Variants in KATNAL1 observed in about 807,000 individuals in gnomAD.
The protein encoded by KATNAL1 is katanin catalytic subunit A1 like 1, also known as katanin p60 ATPase-containing subunit A-like 1.
KATNAL1 carries 32 observed loss-of-function variants against 55.2 expected under a neutral mutation model. That is an observed-to-expected ratio of 0.58 (90% CI 0.44 to 0.78). The LOEUF is 0.78. Ranked by LOEUF, KATNAL1 falls within the 30% of genes least tolerant of loss-of-function variation. The pLI, the probability that KATNAL1 is intolerant of heterozygous loss-of-function variation, is 0.00. For synonymous variants in KATNAL1, 193 were observed against 193.6 expected, an observed-to-expected ratio of 1.00 and a Z score of 0.02; for missense variants, 466 against 600.9, an observed-to-expected ratio of 0.78 and a Z score of 2.35.
At chr13:30,220,525 CAAAT>C (rs1212920124) in intron 9 of KATNAL1, among the ~76,000 whole-genome samples, 1 of 151,962 alleles carries the variant, frequency 6.6e-6, no homozygotes, top group Non-Finnish European at 1.5e-5. Flanking sequence ...TTTAAAATCA[CAAAT>C]AAGGAAAAAA....
intron 4 of KATNAL1, among the ~76,000 whole-genome samples, chr13:30,254,013 T>G (rs534861822): frequency 2.6e-5 from 4 of 152,160 alleles, no homozygotes; most frequent in Non-Finnish European, 5.9e-5. Context: ...GAATTACTGT[T>G]TAATCACTTT....
intron 9 of KATNAL1, among the ~76,000 whole-genome samples, chr13:30,225,163 AAAGAG>A (rs1875319587): frequency 6.6e-6 from 1 of 152,174 alleles, no homozygotes; most frequent in South Asian, 2.1e-4. Context: ...CAGTGGAAAA[AAAGAG>A]TTCAACATAG....
chr13:30,304,122 A>G (rs1435570290), intron 1 of KATNAL1, among the ~76,000 whole-genome samples: 1 of 152,204 alleles, frequency 6.6e-6, no homozygotes, highest in Non-Finnish European at 1.5e-5. Flanking sequence ...CATGCAGAAA[A>G]TAAGTTGGAG....
intron 9 of KATNAL1, among the ~76,000 whole-genome samples, chr13:30,221,743 CCAAA>C (rs1411237619): frequency 6.6e-6 from 1 of 152,120 alleles, no homozygotes; most frequent in Non-Finnish European, 1.5e-5. Flanking sequence ...GCAATGGTGC[CCAAA>C]CAGTGGATAA....
At chr13:30,277,899 C>T (rs892994411) in intron 3 of KATNAL1, among the ~76,000 whole-genome samples, 7 of 135,814 alleles carry the variant, frequency 5.2e-5, no homozygotes, top group African/African-American at 8.3e-5. Flanking sequence ...AGGAGAATGG[C>T]GTGAACCCGG....
chr13:30,209,762 T>C (rs963750777), intron 10 of KATNAL1, among the ~76,000 whole-genome samples: 2 of 152,218 alleles, frequency 1.3e-5, no homozygotes, highest in East Asian at 1.9e-4. Context: ...GTCATTATTA[T>C]CGAGTTAGAC....
rs186486177 is a variant in KATNAL1, at chr13:30,280,986, A to T, written c.163-763T>A. Among the ~76,000 whole-genome samples, 3 of 152,200 alleles carry T rather than the reference A, an allele frequency of 2.0e-5. No individual in the cohort carries two copies. The East Asian group carries it at 5.8e-4, about 29-fold the overall frequency. On this transcript the variant is annotated intron_variant, in intron 2 of 10. Transcript: ENST00000380615. ...AAATTAGTCCAGGCATGACAGCATG[A>T]GTCTGTAGTCCTAGTGCGAGTCTAT...
chr13:30,243,541 G>A (rs1469879321), intron 4 of KATNAL1, among the ~76,000 whole-genome samples: 7 of 134,966 alleles, frequency 5.2e-5, no homozygotes, highest in African/African-American at 2.1e-4. Flanking sequence ...GGAAACTAGA[G>A]ACATTTAAGC....
At chr13:30,304,418 C>T (rs890548799) in intron 1 of KATNAL1, among the ~76,000 whole-genome samples, 1 of 151,984 alleles carries the variant, frequency 6.6e-6, no homozygotes, top group African/African-American at 2.4e-5. Context: ...TATAGGTGTG[C>T]GCCACCATGT....
intron 1 of KATNAL1, among the ~76,000 whole-genome samples, chr13:30,302,342 T>A (rs1882907264): frequency 6.6e-6 from 1 of 152,158 alleles, no homozygotes; most frequent in Admixed American, 6.5e-5. Context: ...AATTCTTGAC[T>A]TCAAATAATA....
chr13:30,227,186 A>C (rs1473695937), intron 9 of KATNAL1, among the ~76,000 whole-genome samples: 1 of 152,244 alleles, frequency 6.6e-6, no homozygotes, highest in African/African-American at 2.4e-5. Flanking sequence ...TGAAAACTTA[A>C]AAGTGCTACC....
intron 3 of KATNAL1, among the ~76,000 whole-genome samples, chr13:30,259,967 A>G (rs116861429): frequency 0.039 from 5,951 of 152,280 alleles, 151 homozygotes; most frequent in African/African-American, 0.067. Flanking sequence ...AGACTTAAAT[A>G]TCCCTGTCTC....
intron 1 of KATNAL1, among the ~76,000 whole-genome samples, chr13:30,305,731 G>C (rs1166177472): frequency 6.6e-6 from 1 of 152,194 alleles, no homozygotes; most frequent in Non-Finnish European, 1.5e-5. Context: ...TGGGCTCCTA[G>C]AGCAACTTGC....
chr13:30,294,557 C>T (rs1286024253), intron 1 of KATNAL1, among the ~76,000 whole-genome samples: 1 of 152,152 alleles, frequency 6.6e-6, no homozygotes, highest in Non-Finnish European at 1.5e-5. Context: ...AAGCCTTTTC[C>T]ATAACACAAA....
At chr13:30,237,076 C>T (rs1474214332) in intron 6 of KATNAL1, among the ~76,000 whole-genome samples, 2 of 152,148 alleles carry the variant, frequency 1.3e-5, no homozygotes, top group Non-Finnish European at 2.9e-5. Context: ...TCACACTGTC[C>T]TCAACAAATA....
chr13:30,209,116 C>G (rs751638752), intron 10 of KATNAL1, among the ~76,000 whole-genome samples: 1 of 152,166 alleles, frequency 6.6e-6, no homozygotes, highest in Non-Finnish European at 1.5e-5. Flanking sequence ...AAACCACAGA[C>G]CAGTTTGTCT....
chr13:30,282,034 TAAAAAA>T (rs57103799), intron 2 of KATNAL1, among the ~76,000 whole-genome samples: 1 of 149,160 alleles, frequency 6.7e-6, no homozygotes. Context: ...GTATTATTTG[TAAAAAA>T]AAAAAAAATT....
At chr13:30,298,714 G>A (rs1007926639) in intron 1 of KATNAL1, among the ~76,000 whole-genome samples, 4 of 152,094 alleles carry the variant, frequency 2.6e-5, no homozygotes, top group South Asian at 2.1e-4. Flanking sequence ...AAACTCAGTG[G>A]ACTGAGGAAG....
rs190437511 is a variant in KATNAL1 at position 30,269,488 on chromosome 13, G to A, written c.323+10575C>T. 4.5e-3 allele frequency among the ~76,000 whole-genome samples: 687 copies of A among 152,128 alleles called. 9 individuals carry two copies. Among genetic ancestry groups the A allele is most frequent in the African/African-American group, 0.016 (646 of 41,494 alleles). ...CCGAGATTGCAGTCTCTGCCCGGCCGCCACCCCGTCTAGGAAGTGAGGAGC... is the reference window on the plus strand; with the variant it reads ...CCGAGATTGCAGTCTCTGCCCGGCCACCACCCCGTCTAGGAAGTGAGGAGC... On this transcript the variant is annotated intron_variant, in intron 3 of 10. Transcript: ENST00000380615.
Sources: gnomAD v4.1 joint callset for allele counts (sites outside exome capture counted in the v4.1 genomes callset) on GRCh38, gnomAD v4.1.1 for gene constraint, MANE v1.5 for transcripts, NCBI Gene and HGNC (gene_info 2026-07-23, HGNC 2026-07-21) for gene names.